Variants in INSR observed in about 807,000 individuals in gnomAD.
INSR encodes the protein insulin receptor, also known as IR.
INSR carries 67 observed loss-of-function variants against 142.6 expected under a neutral mutation model. That is an observed-to-expected ratio of 0.47 (90% CI 0.39 to 0.58). INSR has a LOEUF of 0.58. Among genes scored for constraint, INSR ranks in the 20% least tolerant of loss-of-function variants. INSR has a pLI of 0.00. For synonymous variants in INSR, 756 were observed against 743.1 expected, an observed-to-expected ratio of 1.02 and a Z score of -0.28; for missense variants, 1,248 against 1,833.2, an observed-to-expected ratio of 0.68 and a Z score of 5.83.
chr19:7,251,976 G>A (rs541901343), intron 2 of INSR, among the ~76,000 whole-genome samples: 5 of 152,228 alleles, frequency 3.3e-5, no homozygotes, highest in Non-Finnish European at 4.4e-5. Flanking sequence ...GTATAACTTC[G>A]AAAGAAGTGA....
At chr19:7,255,956 C>G (rs1976878858) in intron 2 of INSR, among the ~76,000 whole-genome samples, 1 of 152,030 alleles carries the variant, frequency 6.6e-6, no homozygotes, top group African/African-American at 2.4e-5. Flanking sequence ...AATCTCTCCT[C>G]TTTTACAAAG....
At chr19:7,203,913 A>G (rs1975033866) in intron 2 of INSR, among the ~76,000 whole-genome samples, 1 of 152,074 alleles carries the variant, frequency 6.6e-6, no homozygotes, top group Non-Finnish European at 1.5e-5. Context: ...ATGGAGTTTC[A>G]CTCTTGTCAC....
At position 7,114,552 on chromosome 19, in the gene INSR, C is replaced by T. The variant is rs1972276949; in HGVS notation, c.*2504G>A. Reference sequence around the variant, plus strand: ...CCTCAAAATTCTTACTGGTCCCTGGCATTCGAATCAGCTGATACACACGTT... The same window carrying T: ...CCTCAAAATTCTTACTGGTCCCTGGTATTCGAATCAGCTGATACACACGTT... On this transcript the variant is annotated 3_prime_UTR_variant, in exon 22 of 22. Coordinates refer to ENST00000302850, the MANE Select transcript of INSR (RefSeq NM_000208.4). The T allele has an allele frequency of 6.6e-6, 1 of 152,574 alleles. No individual in the cohort carries two copies. The highest frequency in any genetic ancestry group is 1.9e-4 in the East Asian group (1 of 5,198). The allele number at this position is 152,574 out of a possible 1,614,324, so 9.5% of individuals were successfully genotyped here. A position where few individuals can be genotyped will look rare whatever the true frequency, so the allele number is the denominator to read the frequency against.
chr19:7,279,744 G>A (rs937154423), intron 1 of INSR, among the ~76,000 whole-genome samples: 3 of 151,850 alleles, frequency 2.0e-5, no homozygotes, highest in Non-Finnish European at 4.4e-5. Flanking sequence ...TGAGGCTGAG[G>A]TGGGTGGACT....
chr19:7,249,522 A>G (rs1976640894), intron 2 of INSR, among the ~76,000 whole-genome samples: 1 of 152,106 alleles, frequency 6.6e-6, no homozygotes, highest in Non-Finnish European at 1.5e-5. Context: ...ATATAGCTTT[A>G]TCACTCAAGT....
chr19:7,229,071 G>A (rs1184105112), intron 2 of INSR, among the ~76,000 whole-genome samples: 3 of 150,328 alleles, frequency 2.0e-5, no homozygotes, highest in Non-Finnish European at 4.4e-5. Context: ...GAATGGATGA[G>A]TGGATGTATG....
At position 7,168,126 on chromosome 19, in the gene INSR, G is replaced by A. The variant is rs1973929761; in HGVS notation, c.1484-32C>T. The A allele has an allele frequency of 1.9e-6, 3 of 1,611,360 alleles. No homozygotes were observed. The highest frequency in any genetic ancestry group is 2.2e-5 in the South Asian group (2 of 90,832). On this transcript the variant is annotated intron_variant, in intron 6 of 21. Transcript: ENST00000302850. This position sits in a 1 kb window ranked among gnomAD's most constrained non-coding sequence, Gnocchi z 4.3. ...AAGTTAAAACAAAAGGCAAAAATGA[G>A]CTATTTCAGTGTAGTTTCAGACCAA...
chr19:7,179,798 A>G (rs1433735222), intron 3 of INSR, among the ~76,000 whole-genome samples: 1 of 152,178 alleles, frequency 6.6e-6, no homozygotes, highest in Non-Finnish European at 1.5e-5. Context: ...AGCAGATAAT[A>G]TGCTTTCCCA....
chr19:7,247,312 G>A (rs1006058696), intron 2 of INSR, among the ~76,000 whole-genome samples: 2 of 152,156 alleles, frequency 1.3e-5, no homozygotes, highest in African/African-American at 4.8e-5. Context: ...TGTTCCCAGA[G>A]AGGAGAAGCC....
Position 7,218,891 on chromosome 19 carries a change from G to A in INSR, c.653-34254C>T, listed in dbSNP as rs550185783. ...TAATCTGAGGAAATCGTATGAGGAA[G>A]TATCACAGGGAAAAGCATGTAGGTA... On this transcript the variant is annotated intron_variant, in intron 2 of 21. Transcript: ENST00000302850. 1.5e-4 allele frequency among the ~76,000 whole-genome samples: 23 copies of A among 152,172 alleles called. No homozygotes were observed. In the East Asian group the frequency reaches 4.5e-3, roughly 29 times the overall value.
At chr19:7,266,372 C>A (rs1036823267) in intron 2 of INSR, among the ~76,000 whole-genome samples, 44 of 148,610 alleles carry the variant, frequency 3.0e-4, no homozygotes, top group African/African-American at 9.4e-4. Flanking sequence ...TTTGTGAAAA[C>A]TAGAAATTAT....
At chr19:7,201,419 G>A (rs1458384452) in intron 2 of INSR, among the ~76,000 whole-genome samples, 2 of 152,000 alleles carry the variant, frequency 1.3e-5, no homozygotes, top group Non-Finnish European at 2.9e-5. Context: ...GAAGTCAGGA[G>A]TTCAAGACCA....
intron 9 of INSR, among the ~76,000 whole-genome samples, chr19:7,158,307 T>C (rs1348731901): frequency 6.6e-6 from 1 of 152,042 alleles, no homozygotes. Flanking sequence ...GAGACCATCC[T>C]GGCTAACATG....
chr19:7,184,478 G>C lies in INSR; in HGVS notation c.812C>G (p.Pro271Arg), dbSNP rs200199169. Residue 271 changes from proline to arginine, a missense_variant, in exon 3 of 22, where the codon CCG becomes CGG. Pro to Arg is a moderately radical substitution (Grantham distance 103). This residue lies in a region of INSR where 1,069 missense variants were observed against 1,654.0 expected (regional missense o/e 0.65). Transcript: ENST00000302850. ...GCGCCAGTCCTGGAAGTGGTAGTAC[G>C]GGGGCGGGCAGGTCTCCACACACCT... The part of the protein sequence containing the change: ...DGRCVETCPP[P>R]YYHFQDWRCV... 1 of 1,614,004 alleles carries C rather than the reference G, an allele frequency of 6.2e-7. No homozygotes were observed.
chr19:7,135,271 G>A lies in INSR; in HGVS notation c.2683-2954C>T, dbSNP rs138151168. Among the ~76,000 whole-genome samples the A allele has an allele frequency of 4.6e-3, 677 of 145,930 alleles. 3 individuals are homozygous for A. The highest frequency in any genetic ancestry group is 7.6e-3 in the Non-Finnish European group (507 of 66,628). ...TAAGCAAATATAGAAACCCAAGGTA[G>A]CTGCTATCCAGGACAAAGGGGAAAT... On this transcript the variant is annotated intron_variant, in intron 13 of 21. Transcript: ENST00000302850.
intron 9 of INSR, among the ~76,000 whole-genome samples, chr19:7,162,723 T>C (rs1568457273): frequency 6.9e-6 from 1 of 144,750 alleles, no homozygotes; most frequent in African/African-American, 2.6e-5. Context: ...GGGAGGCTGA[T>C]GCAGGAGAAT....
chr19:7,249,465 C>T (rs571768657), intron 2 of INSR, among the ~76,000 whole-genome samples: 3 of 152,238 alleles, frequency 2.0e-5, no homozygotes, highest in South Asian at 4.1e-4. Context: ...AAAGGGAGGC[C>T]CGTCGGCACC....
Position 7,216,419 on chromosome 19 carries a change from C to A in INSR, c.653-31782G>T, listed in dbSNP as rs978520070. Reference sequence around the variant, plus strand: ...TGGACCTCCGTGATGTTATGCGGTACAAATGAGACGGCCCCTGAACTCCCA... The same window carrying A: ...TGGACCTCCGTGATGTTATGCGGTAAAAATGAGACGGCCCCTGAACTCCCA... On this transcript the variant is annotated intron_variant, in intron 2 of 21. Transcript: ENST00000302850. The surrounding 1 kb of genome is among the most constrained non-coding windows in gnomAD (Gnocchi z 4.2). Among the ~76,000 whole-genome samples, 2 of 152,176 alleles carry A rather than the reference C, an allele frequency of 1.3e-5. No individual in the cohort carries two copies. The highest frequency in any genetic ancestry group is 1.3e-4 in the Admixed American group (2 of 15,280).
In INSR at chr19:7,267,405, C is replaced by T. The variant is rs1967768099; in HGVS notation, c.592G>A (p.Ala198Thr). The change falls in exon 2 of 22, where the codon GCC (alanine) becomes ACC (threonine). Residue 198 changes from alanine (A) to threonine (T), a missense_variant. By Grantham distance (58) the Ala-to-Thr change is moderately conservative. This residue lies in a region of INSR where 1,069 missense variants were observed against 1,654.0 expected (regional missense o/e 0.65). Coordinates refer to ENST00000302850, the MANE Select transcript of INSR (RefSeq NM_000208.4). The surrounding 1 kb of genome is among the most constrained non-coding windows in gnomAD (Gnocchi z 6.3). ...ACAAACTGCCCGTTGATGACGGTGG[C>T]GGGGCAGTTGGTCTTGCCCTTCGCG... The part of the protein sequence containing the change: ...GTAKGKTNCP[A>T]TVINGQFVER... 1.2e-6 allele frequency: 2 copies of T among 1,614,160 alleles called. No homozygotes were observed. Among genetic ancestry groups the T allele is most frequent in the East Asian group, 2.2e-5 (1 of 44,886 alleles).
Sources: allele counts gnomAD v4.1 joint callset (sites outside exome capture counted in the v4.1 genomes callset), GRCh38; gene constraint gnomAD v4.1.1; regional missense constraint gnomAD v4.1.1; non-coding constraint Gnocchi (gnomAD v3.1); transcripts MANE v1.5; gene names NCBI Gene and HGNC (gene_info 2026-07-23, HGNC 2026-07-21).